The following CHODL variants were observed in gnomAD, a reference collection of about 807,000 sequenced individuals.
CHODL encodes transmembrane protein MT75.
In CHODL, 29 loss-of-function variants were observed where a neutral mutation model predicts 34.5. The observed-to-expected ratio is 0.84, with a 90% CI of 0.63 to 1.15. The LOEUF (loss-of-function observed/expected upper bound fraction) is 1.15, where lower values mean the gene tolerates loss of function less well. Among genes scored for constraint, CHODL ranks in the 50% most tolerant of loss-of-function variants. CHODL has a pLI of 0.00. For synonymous variants in CHODL, 125 were observed against 116.1 expected (o/e 1.08, Z -0.49); for missense variants, 332 against 332.5 (o/e 1.00, Z 0.01).
intron 2 of CHODL, among the ~76,000 whole-genome samples, chr21:18,167,211 C>CTCTG (rs1287766265): frequency 1.6e-3 from 141 of 88,182 alleles, no homozygotes; most frequent in African/African-American, 5.4e-3. Context: ...TTCTCTCTCT[C>CTCTG]TGTGTGTGTG....
At position 18,237,308 on chromosome 21, in the gene CHODL, C is replaced by G. The variant is rs2074037413; in HGVS notation, c.-44-19201C>G. ...CATCTGAATTTTGCATTTATCTCCACTCTCAGAAGAAATTACGTATAGCGA... is the reference window on the plus strand; with the variant it reads ...CATCTGAATTTTGCATTTATCTCCAGTCTCAGAAGAAATTACGTATAGCGA... On this transcript the variant is annotated intron_variant, in intron 2 of 6. Coordinates refer to the CHODL transcript ENST00000400127. Among the ~76,000 whole-genome samples, 10 of 152,050 alleles carry G rather than the reference C, an allele frequency of 6.6e-5. No individual in the cohort carries two copies. The South Asian group carries it at 2.1e-3, about 31-fold the overall frequency.
At chr21:18,071,466 T>A (rs1174949303) in intron 2 of CHODL, among the ~76,000 whole-genome samples, 1 of 151,982 alleles carries the variant, frequency 6.6e-6, no homozygotes, top group Admixed American at 6.6e-5. Context: ...TTTCAGTTGG[T>A]CTCCCTGTTT....
At chr21:17,947,544 GAC>G (rs34768313) in intron 1 of CHODL, among the ~76,000 whole-genome samples, 64,236 of 149,530 alleles carry the variant, frequency 0.43, 14,217 homozygotes, top group East Asian at 0.63. Flanking sequence ...CACACACACA[GAC>G]ACACACACAC....
At chr21:18,024,402 A>G (rs2064154700) in intron 1 of CHODL, among the ~76,000 whole-genome samples, 1 of 152,238 alleles carries the variant, frequency 6.6e-6, no homozygotes. Flanking sequence ...CTAGAAATTC[A>G]GATGAAATAA....
At chr21:18,042,807 T>C (rs2064392577) in intron 2 of CHODL, among the ~76,000 whole-genome samples, 1 of 152,060 alleles carries the variant, frequency 6.6e-6, no homozygotes, top group South Asian at 2.1e-4. Context: ...GCAAAATTGT[T>C]GAATTTTCAA....
rs529827315 is a variant in CHODL at position 18,110,403 on chromosome 21, G to A, written c.-45+82432G>A. Among the ~76,000 whole-genome samples the A allele has an allele frequency of 4.0e-4, 61 of 152,250 alleles. No individual in the cohort carries two copies. In the South Asian group the frequency reaches 5.6e-3, roughly 14 times the overall value. On this transcript the variant is annotated intron_variant, in intron 2 of 6. Coordinates refer to the CHODL transcript ENST00000400127. ...GTCACCAACAGAATGCAGCAAAAGT[G>A]GTGTTGTCTAGCATATGAGGCTGGG... is the stretch of plus-strand genomic sequence containing the variant.
At chr21:17,949,873 G>T (rs1333864004) in intron 1 of CHODL, among the ~76,000 whole-genome samples, 1 of 152,144 alleles carries the variant, frequency 6.6e-6, no homozygotes, top group East Asian at 1.9e-4. Context: ...GGAAAGTAAA[G>T]ATGGAATATT....
chr21:18,118,049 C>A (rs923681492), intron 2 of CHODL, among the ~76,000 whole-genome samples: 1 of 152,254 alleles, frequency 6.6e-6, no homozygotes, highest in South Asian at 2.1e-4. Flanking sequence ...ATCAAGTAGA[C>A]CTCAAGTTGA....
upstream of CHODL, among the ~76,000 whole-genome samples, chr21:18,242,678 C>T (rs575439743): frequency 1.5e-4 from 23 of 152,246 alleles, no homozygotes; most frequent in South Asian, 2.1e-3. Context: ...CAAACAACAT[C>T]CAGAATAACT....
At chr21:18,009,737 A>C (rs2146410631) in intron 1 of CHODL, among the ~76,000 whole-genome samples, 1 of 151,686 alleles carries the variant, frequency 6.6e-6, no homozygotes, top group East Asian at 2.0e-4. Context: ...AAATACAAAA[A>C]ATTAGCCGGG....
intron 2 of CHODL, among the ~76,000 whole-genome samples, chr21:18,177,749 T>C (rs2073333994): frequency 6.6e-6 from 1 of 152,128 alleles, no homozygotes; most frequent in African/African-American, 2.4e-5. Context: ...TATTATCTAC[T>C]TGACAACATT....
intron 1 of CHODL, among the ~76,000 whole-genome samples, chr21:17,973,817 A>AG (rs1374882277): frequency 1.3e-5 from 2 of 151,156 alleles, no homozygotes; most frequent in African/African-American, 2.4e-5. Context: ...AAAAAAAAAA[A>AG]GGACCTCAGA....
chr21:17,919,765 A>C (rs2063169660), intron 1 of CHODL, among the ~76,000 whole-genome samples: 2 of 152,098 alleles, frequency 1.3e-5, no homozygotes, highest in South Asian at 4.2e-4. Flanking sequence ...TAGGCTGCAA[A>C]TTTTTCAAAC....
intron 1 of CHODL, among the ~76,000 whole-genome samples, chr21:18,014,557 G>A (rs2064052858): frequency 6.6e-6 from 1 of 152,132 alleles, no homozygotes; most frequent in South Asian, 2.1e-4. Context: ...GCTGGAAGTG[G>A]GGCCTGGTGG....
At chr21:18,186,108 C>A (rs2073438081) in intron 2 of CHODL, among the ~76,000 whole-genome samples, 1 of 152,170 alleles carries the variant, frequency 6.6e-6, no homozygotes, top group Non-Finnish European at 1.5e-5. Context: ...ACATCCATTT[C>A]TTTCTGCTCT....
In CHODL at chr21:17,966,624, T is replaced by C. The variant is rs1568820741; in HGVS notation, c.-145+49224T>C. 3.9e-5 allele frequency among the ~76,000 whole-genome samples: 6 copies of C among 152,304 alleles called. No homozygotes were observed. In the East Asian group the frequency reaches 7.7e-4, roughly 20 times the overall value. The stretch of plus-strand genomic sequence containing the variant: ...CCTCTGCACTTGTTGCTTTGCTCAG[T>C]TGTTTTCATGTATCTGCAGCTACAG... On this transcript the variant is annotated intron_variant, in intron 1 of 6. Transcript: ENST00000400127.
At chr21:18,106,343 C>A (rs535403033) in intron 2 of CHODL, among the ~76,000 whole-genome samples, 1 of 152,142 alleles carries the variant, frequency 6.6e-6, no homozygotes, top group South Asian at 2.1e-4. Context: ...ATGTACTGAC[C>A]GAGGCTGTGA....
chr21:18,141,207 C>T (rs2072797849), intron 2 of CHODL, among the ~76,000 whole-genome samples: 1 of 151,908 alleles, frequency 6.6e-6, no homozygotes, highest in Non-Finnish European at 1.5e-5. Context: ...CTTTATTTGG[C>T]AAGTAAAGGC....
intron 2 of CHODL, among the ~76,000 whole-genome samples, chr21:18,098,235 T>C (rs1356638442): frequency 6.6e-6 from 1 of 151,932 alleles, no homozygotes; most frequent in African/African-American, 2.4e-5. Context: ...TAAAAAGCTT[T>C]TTTAGAGCAA....
Sources: gnomAD v4.1 joint callset for allele counts (sites outside exome capture counted in the v4.1 genomes callset) on GRCh38, gnomAD v4.1.1 for gene constraint, MANE v1.5 for transcripts, NCBI Gene and HGNC (gene_info 2026-07-23, HGNC 2026-07-21) for gene names.